The following TULP1 variants were observed in gnomAD, a reference collection of about 807,000 sequenced individuals.
TULP1 encodes tubby-related protein 1.
TULP1 carries 50 observed loss-of-function variants against 67.1 expected under a neutral mutation model. The observed-to-expected ratio is 0.75, with a 90% CI of 0.59 to 0.94. The LOEUF (loss-of-function observed/expected upper bound fraction) is 0.94. Ranked by LOEUF, TULP1 falls within the 40% of genes least tolerant of loss-of-function variation. TULP1 has a pLI of 0.00. For synonymous variants in TULP1, 297 were observed against 294.0 expected, an observed-to-expected ratio of 1.01 and a Z score of -0.11; for missense variants, 746 against 734.1, an observed-to-expected ratio of 1.02 and a Z score of -0.19.
chr6:35,502,027 A>G (rs1306569556), intron 13 of TULP1, among the ~76,000 whole-genome samples: 1 of 151,360 alleles, frequency 6.6e-6, no homozygotes, highest in Non-Finnish European at 1.5e-5. Context: ...GGCTCTTCCC[A>G]CTGCCCAGGT....
chr6:35,512,464 T>C (rs1285263758), intron 2 of TULP1, among the ~76,000 whole-genome samples, 175 bp downstream of exon 2: 3 of 151,900 alleles, frequency 2.0e-5, no homozygotes, highest in African/African-American at 7.3e-5. Flanking sequence ...AAGTCCCTAT[T>C]CCTTCCCTGG....
chr6:35,508,669 T>G (rs1761127873), intron 8 of TULP1, among the ~76,000 whole-genome samples: 1 of 152,072 alleles, frequency 6.6e-6, no homozygotes, highest in African/African-American at 2.4e-5. Flanking sequence ...CTGTTCGCCA[T>G]GGAGATGCAT....
chr6:35,503,373 A>G lies in TULP1; in HGVS notation c.1323+186T>C, dbSNP rs1761008811. 1.6e-6 allele frequency: 1 copy of G among 632,634 alleles called. No homozygotes were observed. The highest frequency in any genetic ancestry group is 2.9e-5 in the Admixed American group (1 of 34,978). 39.2% of individuals were successfully genotyped at this position (632,634 alleles called of 1,614,324 possible). A position where few individuals can be genotyped will look rare whatever the true frequency, so the allele number is the denominator to read the frequency against. On this transcript the variant is annotated intron_variant, in intron 13 of 14. Transcript: ENST00000229771. This position sits in a 1 kb window ranked among gnomAD's most constrained non-coding sequence, Gnocchi z 4.0. ...TTTGATGTAAACTCCAAAAACAACC[A>G]AAAAGCCCATTGTGGTTTTTCAGTG...
chr6:35,498,601 C>G lies in TULP1; in HGVS notation c.1496-141G>C. ...AGCCACCATCTCAGTTACTCAACAC[C>G]CATCCCTTCTTCTATCTCACTCCAC... On this transcript the variant is annotated intron_variant, in intron 14 of 14. Coordinates refer to ENST00000229771, the MANE Select transcript of TULP1 (RefSeq NM_003322.6). This position sits in a 1 kb window ranked among gnomAD's most constrained non-coding sequence, Gnocchi z 6.7. The G allele has an allele frequency of 1.5e-6, 2 of 1,292,710 alleles. No homozygotes were observed. The highest frequency in any genetic ancestry group is 2.1e-6 in the Non-Finnish European group (2 of 937,568). The allele number at this position is 1,292,710 out of a possible 1,614,324, so 80.1% of individuals were successfully genotyped here. A position where few individuals can be genotyped will look rare whatever the true frequency, so the allele number is the denominator to read the frequency against.
intron 11 of TULP1, chr6:35,504,160 A>G: frequency 3.2e-6 from 1 of 313,828 alleles, no homozygotes; most frequent in East Asian, 7.5e-5. Flanking sequence ...TCTACAAAAA[A>G]CACCCGCCCT....
At chr6:35,512,490 A>C (rs575007358) in intron 2 of TULP1, 149 bp downstream of exon 2, 2 of 1,076,970 alleles carry the variant, frequency 1.9e-6, no homozygotes, top group African/African-American at 1.6e-5. Flanking sequence ...CCAAGTCCCC[A>C]AACAGCCCTT....
chr6:35,503,282 C>T lies in TULP1; in HGVS notation c.1323+277G>A, dbSNP rs1367235536. On this transcript the variant is annotated intron_variant, in intron 13 of 14. Coordinates refer to ENST00000229771, the MANE Select transcript of TULP1 (RefSeq NM_003322.6). The surrounding 1 kb of genome is among the most constrained non-coding windows in gnomAD (Gnocchi z 4.0). ...TTTGTCCACTGATGTCTTCCAGGTGCCTAGGATAATACTTGGCACTCAATA... is the reference window on the plus strand; with the variant it reads ...TTTGTCCACTGATGTCTTCCAGGTGTCTAGGATAATACTTGGCACTCAATA... 2.3e-6 allele frequency: 1 copy of T among 440,186 alleles called. No individual in the cohort carries two copies. 27.3% of individuals were successfully genotyped at this position (440,186 alleles called of 1,614,324 possible).
rs1768796169 is a variant in TULP1 at position 35,500,000 on chromosome 6, C to G, written c.1476G>C (p.Gln492His). Reference protein sequence around the residue: ...RVTQASVKNFQIVHADDPDYI... With the variant: ...RVTQASVKNFHIVHADDPDYI... ...ACTCACGGTCATCAGCGTGGACAAT[C>G]TGGAAGTTCTTGACTGAGGCCTGGG... The change falls in exon 14 of 15, where the codon CAG becomes CAC. Residue 492 changes from glutamine (Q) to histidine (H), a missense_variant. Physicochemically the swap from Gln to His is conservative, Grantham distance 24. This residue lies in a region of TULP1 where 383 missense variants were observed against 374.1 expected (regional missense o/e 1.02). Coordinates refer to ENST00000229771, the MANE Select transcript of TULP1 (RefSeq NM_003322.6). 2 of 1,613,982 alleles carry G rather than the reference C, an allele frequency of 1.2e-6. No homozygotes were observed. Among genetic ancestry groups the G allele is most frequent in the African/African-American group, 2.7e-5 (2 of 74,900 alleles).
At chr6:35,500,250 G>A (rs1324130440) in intron 13 of TULP1, 98 bp from the exon 14 acceptor site, 4 of 1,350,524 alleles carry the variant, frequency 3.0e-6, no homozygotes, top group Non-Finnish European at 3.1e-6. Context: ...TGTGTGCACA[G>A]GGGTGTGGCC....
At position 35,511,670 on chromosome 6, in the gene TULP1, G is replaced by C. The variant is rs568898016; in HGVS notation, c.327C>G (p.Ala109=). ...KRDPRETFLV[A]RAPDAEDEEE... is the part of the protein sequence containing the mutation. ...CACCGTCCTCCGCGTCTGGGGCACGGGCTACCAGAAAGGTTTCCCGGGGGT... is the reference window on the plus strand; with the variant it reads ...CACCGTCCTCCGCGTCTGGGGCACGCGCTACCAGAAAGGTTTCCCGGGGGT... Residue 109 remains alanine, a synonymous_variant, in exon 4 of 15, where the codon GCC becomes GCG. Transcript: ENST00000229771. 190 of 1,595,966 alleles carry C rather than the reference G, an allele frequency of 1.2e-4. No individual in the cohort carries two copies. The highest frequency in any genetic ancestry group is 1.2e-3 in the Middle Eastern group (7 of 6,030).
At chr6:35,507,844 C>T (rs976484821) in intron 8 of TULP1, among the ~76,000 whole-genome samples, 12 of 152,166 alleles carry the variant, frequency 7.9e-5, no homozygotes, top group Non-Finnish European at 1.3e-4. Context: ...GATGGAGCCT[C>T]GCTCTTGTTG....
chr6:35,510,155 G>A (rs1211397475), intron 5 of TULP1, among the ~76,000 whole-genome samples: 1 of 152,064 alleles, frequency 6.6e-6, no homozygotes, highest in Non-Finnish European at 1.5e-5. Context: ...CAGGGTTCAA[G>A]TGATTCTTGT....
chr6:35,509,549 G>T, intron 7 of TULP1, 85 bp downstream of exon 7: 2 of 1,378,600 alleles, frequency 1.5e-6, no homozygotes, highest in Non-Finnish European at 1.0e-6. Flanking sequence ...ACCTAGCACT[G>T]TCTTGTATGC....
In TULP1 at chr6:35,512,165, C is replaced by A; in HGVS notation, c.190+15G>T. ...CACACCCTGGGGGTCCACCCGGGCTCTGCACCCCGCCCACCTCCGGGCTTC... is the reference window on the plus strand; with the variant it reads ...CACACCCTGGGGGTCCACCCGGGCTATGCACCCCGCCCACCTCCGGGCTTC... On this transcript the variant is annotated intron_variant, in intron 3 of 14. Transcript: ENST00000229771. The A allele has an allele frequency of 7.4e-7, 1 of 1,344,160 alleles. No homozygotes were observed. 83.3% of individuals were successfully genotyped at this position (1,344,160 alleles called of 1,614,324 possible).
In TULP1 at chr6:35,510,842, C is replaced by T. The variant is rs548184420; in HGVS notation, c.499+19G>A. The T allele has an allele frequency of 1.2e-6, 2 of 1,613,146 alleles. No individual in the cohort carries two copies. Among genetic ancestry groups the T allele is most frequent in the South Asian group, 2.2e-5 (2 of 91,070 alleles). Reference sequence around the variant, plus strand: ...TGTTCTGCTTCCCTGTGAGCTCTCTCAGCACCCTCAGCACCCACCCCTTGG... The same window carrying T: ...TGTTCTGCTTCCCTGTGAGCTCTCTTAGCACCCTCAGCACCCACCCCTTGG... On this transcript the variant is annotated intron_variant, in intron 5 of 14. Coordinates refer to ENST00000229771, the MANE Select transcript of TULP1 (RefSeq NM_003322.6).
chr6:35,505,833 C>A lies in TULP1; in HGVS notation c.1020G>T (p.Arg340Ser), dbSNP rs749869293. The A allele has an allele frequency of 6.2e-7, 1 of 1,614,200 alleles. No homozygotes were observed. Among genetic ancestry groups the A allele is most frequent in the Non-Finnish European group, 8.5e-7 (1 of 1,180,034 alleles). Residue 340 changes from arginine to serine, a missense_variant, in exon 11 of 15, where the codon AGG becomes AGT. By Grantham distance (110) the Arg-to-Ser change is moderately radical. This residue lies in a region of TULP1 where 383 missense variants were observed against 374.1 expected (regional missense o/e 1.02). Coordinates refer to ENST00000229771, the MANE Select transcript of TULP1 (RefSeq NM_003322.6). ...TEKKVFLLAG[R>S]KRKRSKTANY... is the part of the protein sequence containing the mutation. ...TGGCTGTCTTGCTCCGTTTTCGTTTCCTGCCAGCCAAGAGGAACACCTGGG... is the reference window on the plus strand; with the variant it reads ...TGGCTGTCTTGCTCCGTTTTCGTTTACTGCCAGCCAAGAGGAACACCTGGG...
intron 5 of TULP1, 124 bp downstream of exon 5, chr6:35,510,737 C>G: frequency 6.3e-7 from 1 of 1,595,296 alleles, no homozygotes; most frequent in South Asian, 1.1e-5. Context: ...AGGAAAAACC[C>G]TCCGGTCACA....
At chr6:35,499,835 G>T in intron 14 of TULP1, 146 bp downstream of exon 14, 1 of 1,007,610 alleles carries the variant, frequency 9.9e-7, no homozygotes, top group Non-Finnish European at 1.6e-6. Context: ...CAGTGCCTAT[G>T]GAGGAGAGAG....
intron 14 of TULP1, among the ~76,000 whole-genome samples, chr6:35,499,710 T>C (rs973951880): frequency 6.6e-6 from 1 of 152,116 alleles, no homozygotes; most frequent in Admixed American, 6.5e-5. Context: ...CACAATCTTA[T>C]CCAGAATGTC....
Sources: gnomAD v4.1 joint callset for allele counts (sites outside exome capture counted in the v4.1 genomes callset) on GRCh38, gnomAD v4.1.1 for gene constraint, gnomAD v4.1.1 regional missense constraint, Gnocchi (gnomAD v3.1) non-coding constraint, MANE v1.5 for transcripts, NCBI Gene and HGNC (gene_info 2026-07-23, HGNC 2026-07-21) for gene names.